ANGPTL1: variants seen among roughly 807,000 people sequenced by gnomAD.
ANGPTL1 encodes angiopoietin-related protein 1.
In ANGPTL1, 36 loss-of-function variants were observed where a neutral mutation model predicts 46.7. The ratio of observed to expected loss-of-function variants is 0.77; its 90% CI spans 0.59 to 1.02. The LOEUF (loss-of-function observed/expected upper bound fraction) is 1.02, where lower values mean the gene tolerates loss of function less well. Among genes scored for constraint, ANGPTL1 ranks in the 50% least tolerant of loss-of-function variants. ANGPTL1 has a pLI of 0.00. For synonymous variants in ANGPTL1, 221 were observed against 204.3 expected (o/e 1.08, Z -0.69); for missense variants, 571 against 594.7 (o/e 0.96, Z 0.41).
At position 178,865,792 on chromosome 1, in the gene ANGPTL1, T is replaced by G; in HGVS notation, c.-16A>C. ...AAGTCTTCATTTTGAAATGAGGTTG[T>G]AAAATGATGTCTTTTGAAAAACAAA... On this transcript the variant is annotated 5_prime_UTR_variant, in exon 3 of 6. Coordinates refer to ENST00000234816, the MANE Select transcript of ANGPTL1 (RefSeq NM_004673.4). 6.5e-7 allele frequency: 1 copy of G among 1,535,820 alleles called. No homozygotes were observed. The highest frequency in any genetic ancestry group is 8.8e-7 in the Non-Finnish European group (1 of 1,142,350).
intron 1 of ANGPTL1, among the ~76,000 whole-genome samples, chr1:178,869,844 A>G (rs930186632): frequency 3.9e-5 from 6 of 152,096 alleles, no homozygotes; most frequent in Non-Finnish European, 1.5e-5. Context: ...GAGTAATTTT[A>G]TCTTTAATAG....
At chr1:178,861,612 A>G (rs989679543) in intron 3 of ANGPTL1, among the ~76,000 whole-genome samples, 1 of 152,228 alleles carries the variant, frequency 6.6e-6, no homozygotes, top group Non-Finnish European at 1.5e-5. Flanking sequence ...CAGGGATCAC[A>G]TAGAATACTC....
intron 3 of ANGPTL1, among the ~76,000 whole-genome samples, chr1:178,857,334 C>T (rs1443125883): frequency 2.6e-5 from 4 of 152,074 alleles, no homozygotes; most frequent in Non-Finnish European, 4.4e-5. Flanking sequence ...CCCAGAATTC[C>T]CTTAGTTCTG....
chr1:178,867,518 CA>C (rs1267572479), intron 2 of ANGPTL1, among the ~76,000 whole-genome samples: 4 of 152,036 alleles, frequency 2.6e-5, no homozygotes, highest in Non-Finnish European at 5.9e-5. Context: ...AAATGGGATT[CA>C]AACCTTCTAC....
At chr1:178,869,343 T>C (rs368320746) in intron 1 of ANGPTL1, 120 bp from the exon 2 acceptor site, 1 of 152,136 alleles carries the variant, frequency 6.6e-6, no homozygotes, top group East Asian at 1.9e-4. Flanking sequence ...GTTAAATTTA[T>C]GAAGCATTCA....
intron 3 of ANGPTL1, among the ~76,000 whole-genome samples, chr1:178,856,363 G>T (rs1215506038): frequency 7.1e-6 from 1 of 140,464 alleles, no homozygotes; most frequent in African/African-American, 2.7e-5. Flanking sequence ...AAGTAGCTAG[G>T]ACTACAGGCA....
At position 178,861,450 on chromosome 1, in the gene ANGPTL1, GT is replaced by G. The variant is rs547749109; in HGVS notation, c.823+3503del. ...AGGTTTAATTCTGTAGCATTCGTGGGTTTTTTTTTTTGTACTAATGCTAAGT... is the reference window on the plus strand; with the variant it reads ...AGGTTTAATTCTGTAGCATTCGTGGGTTTTTTTTTTGTACTAATGCTAAGT... On this transcript the variant is annotated intron_variant, in intron 3 of 5. Coordinates refer to ENST00000234816, the MANE Select transcript of ANGPTL1 (RefSeq NM_004673.4). 9.0e-3 allele frequency among the ~76,000 whole-genome samples: 1,293 copies of G among 144,316 alleles called. 11 individuals carry two copies. Among genetic ancestry groups the G allele is most frequent in the African/African-American group, 0.028 (1,097 of 39,714 alleles). The allele number at this position is 144,316 out of a possible 152,430, so 94.7% of individuals were successfully genotyped here. A position where few individuals can be genotyped will look rare whatever the true frequency, so the allele number is the denominator to read the frequency against.
In ANGPTL1 at chr1:178,856,394, A is replaced by ATTTTTTTTTTTTTTTTTTTTTTTTTT. The variant is rs71108081; in HGVS notation, c.824-2633_824-2608dup. ...AGGCAAGTGCCACCCTGCCTGGCTA[A>ATTTTTTTTTTTTTTTTTTTTTTTTTT]TTTTTTTTTTTTTTTTTTTTTTTTT... On this transcript the variant is annotated intron_variant, in intron 3 of 5. Transcript: ENST00000234816. Among the ~76,000 whole-genome samples, 3 of 36,432 alleles carry ATTTTTTTTTTTTTTTTTTTTTTTTTT rather than the reference A, an allele frequency of 8.2e-5. 1 individual carries two copies. Among genetic ancestry groups the ATTTTTTTTTTTTTTTTTTTTTTTTTT allele is most frequent in the Non-Finnish European group, 1.4e-4 (3 of 21,130 alleles). 23.9% of individuals were successfully genotyped at this position (36,432 alleles called of 152,430 possible). A position where few individuals can be genotyped will look rare whatever the true frequency, so the allele number is the denominator to read the frequency against.
chr1:178,865,561 A>G lies in ANGPTL1; in HGVS notation c.216T>C (p.Asp72=), dbSNP rs1658348270. The stretch of plus-strand genomic sequence containing the variant: ...TGATCATGTCTTTAATGGTACTTGC[A>G]TCTTGCCCCTTGGTGTTGACACAGA... The part of the protein sequence containing the change: ...GPICVNTKGQ[D]ASTIKDMITR... Residue 72 remains aspartate (D), a synonymous_variant, in exon 3 of 6, where the codon GAT becomes GAC. Coordinates refer to ENST00000234816, the MANE Select transcript of ANGPTL1 (RefSeq NM_004673.4). 3 of 1,614,116 alleles carry G rather than the reference A, an allele frequency of 1.9e-6. No homozygotes were observed. The highest frequency in any genetic ancestry group is 1.7e-5 in the Admixed American group (1 of 60,022).
chr1:178,850,236 A>C lies in ANGPTL1; in HGVS notation c.*893T>G, dbSNP rs999477843. On this transcript the variant is annotated 3_prime_UTR_variant, in exon 6 of 6. Transcript: ENST00000234816. ...GTCCAAACTTTCTGATTTGAATTGC[A>C]GATTGGTTGGGTTTTTTTTTCTTTG... 6.6e-6 allele frequency: 1 copy of C among 152,622 alleles called. No individual in the cohort carries two copies. Among genetic ancestry groups the C allele is most frequent in the South Asian group, 2.1e-4 (1 of 4,826 alleles). The allele number at this position is 152,622 out of a possible 1,614,324, so 9.5% of individuals were successfully genotyped here.
intron 3 of ANGPTL1, 129 bp downstream of exon 3, chr1:178,864,825 A>G (rs1658272200): frequency 3.6e-6 from 2 of 555,348 alleles, no homozygotes; most frequent in Admixed American, 8.5e-5. Context: ...TATTAATAAA[A>G]AACAATAGAA....
chr1:178,861,427 G>A (rs1332602939), intron 3 of ANGPTL1, among the ~76,000 whole-genome samples: 1 of 150,658 alleles, frequency 6.6e-6, no homozygotes, highest in Non-Finnish European at 1.5e-5. Context: ...CTAATATGAG[G>A]TTTAATTCTG....
At chr1:178,866,254 T>G (rs1224968382) in intron 2 of ANGPTL1, among the ~76,000 whole-genome samples, 3 of 152,204 alleles carry the variant, frequency 2.0e-5, no homozygotes, top group Non-Finnish European at 4.4e-5. Context: ...AATTACCAGG[T>G]GACTTTACTA....
At chr1:178,856,407 T>TGTTTG (rs1657582608) in intron 3 of ANGPTL1, among the ~76,000 whole-genome samples, 1 of 105,354 alleles carries the variant, frequency 9.5e-6, no homozygotes, top group African/African-American at 4.2e-5. Flanking sequence ...TTTTTTTTTT[T>TGTTTG]TTTTTTTTTT....
intron 5 of ANGPTL1, 70 bp downstream of exon 5, chr1:178,852,613 A>G: frequency 6.7e-7 from 1 of 1,491,946 alleles, no homozygotes; most frequent in South Asian, 1.3e-5. Context: ...AGTAGCATAT[A>G]TATTAGTAGA....
At chr1:178,856,398 T>TTTTTTTTTTC (rs1657580260) in intron 3 of ANGPTL1, among the ~76,000 whole-genome samples, 1 of 81,646 alleles carries the variant, frequency 1.2e-5, no homozygotes, top group African/African-American at 7.6e-5. Flanking sequence ...TGGCTAATTT[T>TTTTTTTTTTC]TTTTTTTTTT....
chr1:178,861,139 T>C (rs1264190595), intron 3 of ANGPTL1, among the ~76,000 whole-genome samples: 1 of 152,176 alleles, frequency 6.6e-6, no homozygotes, highest in East Asian at 1.9e-4. Context: ...TAGAACCAGG[T>C]GTTCTTAATT....
chr1:178,870,008 G>A (rs1658652680), intron 1 of ANGPTL1, among the ~76,000 whole-genome samples: 1 of 151,822 alleles, frequency 6.6e-6, no homozygotes, highest in Admixed American at 6.6e-5. Context: ...ATTTTCTATT[G>A]TTAATACCAC....
At chr1:178,857,437 TG>T (rs915011747) in intron 3 of ANGPTL1, among the ~76,000 whole-genome samples, 12 of 152,108 alleles carry the variant, frequency 7.9e-5, no homozygotes, top group Non-Finnish European at 1.6e-4. Context: ...TAGAGTCAAG[TG>T]GGGGGTGGGA....
Sources: gnomAD v4.1 joint callset for allele counts (sites outside exome capture counted in the v4.1 genomes callset) on GRCh38, gnomAD v4.1.1 for gene constraint, MANE v1.5 for transcripts, NCBI Gene and HGNC (gene_info 2026-07-23, HGNC 2026-07-21) for gene names.